The following NIN variants were observed in gnomAD, a reference collection of about 807,000 sequenced individuals.
The protein encoded by NIN is ninein.
In NIN, 137 loss-of-function variants were observed where a neutral mutation model predicts 257.6. That is an observed-to-expected ratio of 0.53 (90% CI 0.46 to 0.61). The LOEUF is 0.61. NIN is among the 20% of genes least tolerant of loss of function. The pLI is 0.00. For synonymous variants in NIN, 918 were observed against 919.8 expected (o/e 1.00, Z 0.04); for missense variants, 2,439 against 2,501.2 (o/e 0.98, Z 0.53).
rs900209484 is a variant in NIN, at chr14:50,757,166, G to T, written c.3864C>A (p.Phe1288Leu). ...TTTTCTTCAGCTCATCCTGCAACCT[G>T]AAAACCTCTGCAGTGAGTTCTTTGT... is the stretch of plus-strand genomic sequence containing the variant. ...ENNKELTAEVFRLQDELKKME... is the reference protein window; with the variant it reads ...ENNKELTAEVLRLQDELKKME... Residue 1288 changes from phenylalanine to leucine, a missense_variant, in exon 18 of 31, where the codon TTC (phenylalanine) becomes TTA (leucine). Phe to Leu is a conservative substitution (Grantham distance 22). This residue lies in a region of NIN where 2,043 missense variants were observed against 2,050.2 expected (regional missense o/e 1.00). Coordinates refer to ENST00000530997, the MANE Select transcript of NIN (RefSeq NM_020921.4). 1 of 1,613,000 alleles carries T rather than the reference G, an allele frequency of 6.2e-7. No homozygotes were observed. Among genetic ancestry groups the T allele is most frequent in the African/African-American group, 1.3e-5 (1 of 74,908 alleles).
In NIN at chr14:50,744,385, G is replaced by A. The variant is rs1384003761; in HGVS notation, c.5065-20C>T. On this transcript the variant is annotated intron_variant, in intron 22 of 30. Transcript: ENST00000530997. The stretch of plus-strand genomic sequence containing the variant: ...GTGCAGCTGTAAGAGATAAACAAAT[G>A]AGCCCTCCCATCACATCTCATGGCT... 7 of 1,612,054 alleles carry A rather than the reference G, an allele frequency of 4.3e-6. No homozygotes were observed. The highest frequency in any genetic ancestry group is 1.6e-4 in the Middle Eastern group (1 of 6,076).
At chr14:50,777,943 C>A (rs1048924958) in intron 6 of NIN, among the ~76,000 whole-genome samples, 1 of 152,114 alleles carries the variant, frequency 6.6e-6, no homozygotes, top group African/African-American at 2.4e-5. Flanking sequence ...AGTGCTACTC[C>A]CACTCTTTAG....
At position 50,776,943 on chromosome 14, in the gene NIN, G is replaced by C; in HGVS notation, c.666+6C>G. 6.2e-7 allele frequency: 1 copy of C among 1,609,260 alleles called. No homozygotes were observed. The highest frequency in any genetic ancestry group is 8.5e-7 in the Non-Finnish European group (1 of 1,177,584). ...TATCATTCCTGAATTATACTGCGAG[G>C]CTTACCTCTCCATCCACATTCTGTA... On this transcript the variant is annotated splice_donor_region_variant and intron_variant, in intron 7 of 30. Transcript: ENST00000530997.
At chr14:50,758,733 G>T in intron 17 of NIN, 103 bp from the exon 18 acceptor site, 4 of 1,028,134 alleles carry the variant, frequency 3.9e-6, no homozygotes, top group Middle Eastern at 3.0e-4. Flanking sequence ...GCAAACAACT[G>T]AAATACTCCC....
intron 2 of NIN, 58 bp from the exon 3 acceptor site, chr14:50,822,135 T>G: frequency 7.8e-7 from 1 of 1,289,106 alleles, no homozygotes; most frequent in Non-Finnish European, 1.1e-6. Context: ...CCTACCGTGG[T>G]CACCACCTGG....
chr14:50,751,826 C>A (rs928768599), intron 21 of NIN, among the ~76,000 whole-genome samples: 4 of 152,116 alleles, frequency 2.6e-5, no homozygotes, highest in Non-Finnish European at 5.9e-5. Flanking sequence ...CACGCCTGGC[C>A]CATTTTTATC....
At position 50,760,218 on chromosome 14, in the gene NIN, G is replaced by T. The variant is rs375779499; in HGVS notation, c.2038C>A (p.Gln680Lys). Reference protein sequence around the residue: ...SDLKNEIAELQGQAAVLKEAH... With the variant: ...SDLKNEIAELKGQAAVLKEAH... ...TCCTTGAGCACTGCTGCTTGCCCCT[G>T]AAGTTCAGCAATTTCATTTTTAAGG... Residue 680 changes from glutamine to lysine, a missense_variant, in exon 17 of 31, where the codon CAG (glutamine) becomes AAG (lysine). Coordinates refer to ENST00000530997, the MANE Select transcript of NIN (RefSeq NM_020921.4). 5 of 1,613,590 alleles carry T rather than the reference G, an allele frequency of 3.1e-6. No individual in the cohort carries two copies. In the African/African-American group the frequency reaches 6.7e-5, roughly 22 times the overall value.
intron 2 of NIN, among the ~76,000 whole-genome samples, chr14:50,828,997 C>T (rs1017844923): frequency 1.3e-5 from 2 of 152,192 alleles, no homozygotes; most frequent in African/African-American, 2.4e-5. Context: ...TCTCTATTGC[C>T]CCCTGTGAAG....
At chr14:50,734,481 T>G (rs2040877531) in intron 28 of NIN, among the ~76,000 whole-genome samples, 1 of 152,242 alleles carries the variant, frequency 6.6e-6, no homozygotes, top group Non-Finnish European at 1.5e-5. Context: ...GGTTCTTCTC[T>G]GCCTTACATA....
intron 28 of NIN, among the ~76,000 whole-genome samples, chr14:50,732,553 T>A (rs2040767294): frequency 6.6e-6 from 1 of 152,224 alleles, no homozygotes; most frequent in African/African-American, 2.4e-5. Flanking sequence ...ATTTAATGAA[T>A]GCCACTGAAT....
At chr14:50,780,140 T>C (rs1281129126) in intron 5 of NIN, among the ~76,000 whole-genome samples, 3 of 152,240 alleles carry the variant, frequency 2.0e-5, no homozygotes, top group Non-Finnish European at 4.4e-5. Flanking sequence ...AGGTCCACAG[T>C]GGCTGTGGCT....
At chr14:50,762,191 G>A (rs565299177) in intron 15 of NIN, among the ~76,000 whole-genome samples, 3 of 152,248 alleles carry the variant, frequency 2.0e-5, no homozygotes, top group South Asian at 2.1e-4. Flanking sequence ...GTGGGGCGGC[G>A]GGGGTGGAAA....
At position 50,811,544 on chromosome 14, in the gene NIN, C is replaced by CTTTTT. The variant is rs55734117; in HGVS notation, c.184-4731_184-4727dup. Among the ~76,000 whole-genome samples, 64 of 75,290 alleles carry CTTTTT rather than the reference C, an allele frequency of 8.5e-4. 1 individual carries two copies. The highest frequency in any genetic ancestry group is 8.7e-4 in the Non-Finnish European group (36 of 41,354). 49.4% of individuals were successfully genotyped at this position (75,290 alleles called of 152,430 possible). On this transcript the variant is annotated intron_variant, in intron 3 of 30. Coordinates refer to ENST00000530997, the MANE Select transcript of NIN (RefSeq NM_020921.4). Reference sequence around the variant, plus strand: ...AAATTTTAAATCCCCAATGGTCAAGCTTTTTTTTTTTTTTTTTTTTTTTTT... The same window carrying CTTTTT: ...AAATTTTAAATCCCCAATGGTCAAGCTTTTTTTTTTTTTTTTTTTTTTTTTTTTTT...
intron 3 of NIN, among the ~76,000 whole-genome samples, chr14:50,808,106 T>A (rs930562830): frequency 2.0e-5 from 3 of 152,110 alleles, no homozygotes; most frequent in Non-Finnish European, 4.4e-5. Flanking sequence ...CTACGTAATC[T>A]AAGGAGCCAG....
chr14:50,746,452 G>A (rs1368344471), intron 22 of NIN, among the ~76,000 whole-genome samples: 1 of 152,140 alleles, frequency 6.6e-6, no homozygotes, highest in Non-Finnish European at 1.5e-5. Flanking sequence ...TAGGCATTAT[G>A]AAAGACACAC....
chr14:50,724,344 C>A (rs773101857), intron 30 of NIN: 1 of 211,346 alleles, frequency 4.7e-6, no homozygotes, highest in Non-Finnish European at 9.6e-6. Flanking sequence ...CACCCAATTT[C>A]AAGTAGGGCA....
rs914950693 is a variant in NIN at position 50,774,112 on chromosome 14, C to T, written c.667-1017G>A. ...TGTGGGGATTCAGATTTCGGCATTT[C>T]TAACAAGCTCCCAGTTAAGGCCCAT... On this transcript the variant is annotated intron_variant, in intron 7 of 30. Transcript: ENST00000530997. 3.3e-5 allele frequency among the ~76,000 whole-genome samples: 5 copies of T among 152,192 alleles called. No homozygotes were observed. The South Asian group carries it at 8.3e-4, about 25-fold the overall frequency.
In NIN at chr14:50,723,497, G is replaced by A. The variant is rs922055999; in HGVS notation, c.6368C>T (p.Ala2123Val). Reference protein sequence around the residue: ...LSNIVRNLTPAPLTSTPPLRS With the variant: ...LSNIVRNLTPVPLTSTPPLRS ...CAAAGGAGGTGTAGAAGTCAATGGC[G>A]CTGGTGTCAGATTCCTAACTATATT... The change falls in exon 31 of 31, where the codon GCG (alanine) becomes GTG (valine). Residue 2123 changes from alanine to valine, a missense_variant. Ala to Val is a moderately conservative substitution (Grantham distance 64, BLOSUM62 0). Transcript: ENST00000530997. 5.0e-6 allele frequency: 8 copies of A among 1,612,970 alleles called. No homozygotes were observed. The highest frequency in any genetic ancestry group is 3.3e-5 in the Admixed American group (2 of 59,984).
chr14:50,807,658 A>T (rs1282106825), intron 3 of NIN, among the ~76,000 whole-genome samples: 2 of 152,206 alleles, frequency 1.3e-5, no homozygotes, highest in African/African-American at 2.4e-5. Flanking sequence ...CTGCTATGGG[A>T]TGGGTCTGTT....
Sources: gnomAD v4.1 joint callset for allele counts (sites outside exome capture counted in the v4.1 genomes callset) on GRCh38, gnomAD v4.1.1 for gene constraint, gnomAD v4.1.1 regional missense constraint, MANE v1.5 for transcripts, NCBI Gene and HGNC (gene_info 2026-07-23, HGNC 2026-07-21) for gene names.